The following SIPA1L2 variants were observed in gnomAD, a reference collection of about 807,000 sequenced individuals.
SIPA1L2 encodes the protein signal induced proliferation associated 1 like 2.
Under a neutral mutation model 163.9 loss-of-function variants are expected in SIPA1L2, and 56 were observed. The observed-to-expected ratio is 0.34, with a 90% CI of 0.28 to 0.43. SIPA1L2 has a LOEUF of 0.43. Ranked by LOEUF, SIPA1L2 falls within the 20% of genes least tolerant of loss-of-function variation. SIPA1L2 has a pLI of 1.00. For synonymous variants in SIPA1L2, 877 were observed against 865.7 expected, an observed-to-expected ratio of 1.01 and a Z score of -0.23; for missense variants, 1,974 against 2,193.5, an observed-to-expected ratio of 0.90 and a Z score of 2.00.
At chr1:232,555,378 C>G (rs559032637) in intron 2 of SIPA1L2, among the ~76,000 whole-genome samples, 289 of 152,310 alleles carry the variant, frequency 1.9e-3, no homozygotes, top group Middle Eastern at 3.4e-3. Context: ...ATAACCCCAC[C>G]CTGATCTTTA....
chr1:232,510,143 A>G (rs1484064345), intron 3 of SIPA1L2, among the ~76,000 whole-genome samples: 1 of 152,170 alleles, frequency 6.6e-6, no homozygotes, highest in African/African-American at 2.4e-5. Context: ...AATCTGATGC[A>G]TGGCACTTGA....
In SIPA1L2 at chr1:232,399,761, CT is replaced by C. The variant is rs1379399229; in HGVS notation, c.5023-489del. Among the ~76,000 whole-genome samples, 4 of 152,124 alleles carry C rather than the reference CT, an allele frequency of 2.6e-5. No homozygotes were observed. In the East Asian group the frequency reaches 7.7e-4, roughly 29 times the overall value. On this transcript the variant is annotated intron_variant, in intron 22 of 22. Transcript: ENST00000674635. Reference sequence around the variant, plus strand: ...GACCCTTAAAATCTGCTATTAAAAACTGTGTAAAAATAATCAAGACTTTCAG... The same window carrying C: ...GACCCTTAAAATCTGCTATTAAAAACGTGTAAAAATAATCAAGACTTTCAG...
At chr1:232,492,133 C>A (rs58742394) in intron 4 of SIPA1L2, among the ~76,000 whole-genome samples, 1,598 of 152,080 alleles carry the variant, frequency 0.011, 31 homozygotes, top group African/African-American at 0.037. Flanking sequence ...TAGAATAGAG[C>A]CTAGGTCACT....
At chr1:232,538,456 C>T (rs1657443771) in intron 2 of SIPA1L2, among the ~76,000 whole-genome samples, 1 of 152,196 alleles carries the variant, frequency 6.6e-6, no homozygotes, top group Non-Finnish European at 1.5e-5. Context: ...CCTTTCAAAG[C>T]ATCGTTCCAC....
chr1:232,606,607 A>C (rs1411682369), intron 1 of SIPA1L2, among the ~76,000 whole-genome samples: 1 of 149,508 alleles, frequency 6.7e-6, no homozygotes, highest in Non-Finnish European at 1.5e-5. Context: ...CTTACCAATG[A>C]ATTATATTAT....
At chr1:232,468,652 G>A (rs1414878965) in intron 8 of SIPA1L2, among the ~76,000 whole-genome samples, 1 of 152,110 alleles carries the variant, frequency 6.6e-6, no homozygotes, top group Non-Finnish European at 1.5e-5. Context: ...ATTTAACCCT[G>A]TCACCTAATT....
At position 232,460,991 on chromosome 1, in the gene SIPA1L2, T is replaced by C. The variant is rs1241916957; in HGVS notation, c.2991A>G (p.Val997=). 6.2e-7 allele frequency: 1 copy of C among 1,614,110 alleles called. No individual in the cohort carries two copies. The highest frequency in any genetic ancestry group is 1.7e-5 in the Admixed American group (1 of 60,030). The change falls in exon 10 of 23, where the codon GTA becomes GTG. Residue 997 remains valine (V), a synonymous_variant. Coordinates refer to ENST00000674635, the MANE Select transcript of SIPA1L2 (RefSeq NM_020808.5). The part of the protein sequence containing the change: ...QGSRLVEICK[V]AVATLTHEQM... ...GCTCGTGGGTCAGAGTGGCCACGGC[T>C]ACTTTGCAGATCTCCACGAGGCGGC...
chr1:232,411,189 A>T (rs964545393), intron 19 of SIPA1L2, among the ~76,000 whole-genome samples: 9 of 152,210 alleles, frequency 5.9e-5, no homozygotes, highest in Non-Finnish European at 1.2e-4. Flanking sequence ...GATTTACAGG[A>T]AACCAAGTTC....
intron 2 of SIPA1L2, among the ~76,000 whole-genome samples, chr1:232,530,750 G>A (rs911381798): frequency 6.6e-5 from 10 of 152,176 alleles, no homozygotes; most frequent in African/African-American, 2.4e-4. Flanking sequence ...TTTTAGAAGG[G>A]AGTTGTCATG....
intron 11 of SIPA1L2, among the ~76,000 whole-genome samples, chr1:232,445,195 C>T (rs1438130392): frequency 6.6e-6 from 1 of 152,202 alleles, no homozygotes; most frequent in African/African-American, 2.4e-5. Context: ...CAAACCTGTT[C>T]ACACTTTTCT....
At chr1:232,564,769 T>G (rs1368710931) in intron 2 of SIPA1L2, among the ~76,000 whole-genome samples, 1 of 152,100 alleles carries the variant, frequency 6.6e-6, no homozygotes, top group African/African-American at 2.4e-5. Flanking sequence ...ATTAATAAAT[T>G]AATACATATT....
intron 1 of SIPA1L2, among the ~76,000 whole-genome samples, chr1:232,597,056 A>G (rs1201763300): frequency 1.3e-5 from 2 of 152,082 alleles, no homozygotes; most frequent in African/African-American, 4.8e-5. Flanking sequence ...CTCTACTTTC[A>G]CTTTCCTTAC....
At chr1:232,500,814 T>TGGGTCAA (rs1423937921) in intron 3 of SIPA1L2, among the ~76,000 whole-genome samples, 1 of 152,106 alleles carries the variant, frequency 6.6e-6, no homozygotes, top group Non-Finnish European at 1.5e-5. Context: ...CGTTCTACTG[T>TGGGTCAA]GGGTCAAATG....
chr1:232,403,666 T>A (rs2275304), intron 20 of SIPA1L2, 95 bp from the exon 21 acceptor site: 2 of 1,452,144 alleles, frequency 1.4e-6, no homozygotes, highest in Non-Finnish European at 1.8e-6. Flanking sequence ...TAAAATCTTT[T>A]CCCCCCTTCA....
intron 2 of SIPA1L2, among the ~76,000 whole-genome samples, chr1:232,537,613 A>G (rs1657392420): frequency 6.6e-6 from 1 of 152,220 alleles, no homozygotes; most frequent in South Asian, 2.1e-4. Flanking sequence ...GCAATGGTGT[A>G]ATAATGGCTA....
chr1:232,404,301 T>C (rs1467413841), intron 19 of SIPA1L2, 123 bp from the exon 20 acceptor site: 2 of 752,150 alleles, frequency 2.7e-6, no homozygotes, highest in Admixed American at 2.3e-5. Context: ...GGGGAAACCC[T>C]TGAGAGCCAG....
chr1:232,435,394 T>A (rs1036187632), intron 15 of SIPA1L2, among the ~76,000 whole-genome samples: 1 of 152,236 alleles, frequency 6.6e-6, no homozygotes, highest in African/African-American at 2.4e-5. Flanking sequence ...TGTGGCATAA[T>A]TCCTTGTTTA....
intron 2 of SIPA1L2, among the ~76,000 whole-genome samples, chr1:232,534,100 G>A (rs1657156536): frequency 6.6e-6 from 1 of 150,936 alleles, no homozygotes; most frequent in African/African-American, 2.5e-5. Flanking sequence ...TGAAAAAAAA[G>A]AATAGAGCTG....
At chr1:232,597,739 A>C (rs975680689) in intron 1 of SIPA1L2, among the ~76,000 whole-genome samples, 2 of 150,064 alleles carry the variant, frequency 1.3e-5, no homozygotes, top group South Asian at 4.2e-4. Context: ...ATCTGGACTC[A>C]GAAGAATCAC....
Sources: gnomAD v4.1 joint callset for allele counts (sites outside exome capture counted in the v4.1 genomes callset) on GRCh38, gnomAD v4.1.1 for gene constraint, MANE v1.5 for transcripts, NCBI Gene and HGNC (gene_info 2026-07-23, HGNC 2026-07-21) for gene names.